The following RBFOX1 variants were observed in gnomAD, a reference collection of about 807,000 sequenced individuals.
The protein encoded by RBFOX1 is RNA binding protein fox-1 homolog 1.
RBFOX1 carries 8 observed loss-of-function variants against 57.7 expected under a neutral mutation model. The ratio of observed to expected loss-of-function variants is 0.14; its 90% CI spans 0.08 to 0.25. The LOEUF is 0.25. RBFOX1 is among the 10% of genes least tolerant of loss of function. RBFOX1 has a pLI of 1.00. For synonymous variants in RBFOX1, 326 were observed against 222.4 expected (o/e 1.47, Z -4.15); for missense variants, 611 against 548.5 (o/e 1.11, Z -1.14).
chr16:7,447,985 T>C (rs377013563), intron 4 of RBFOX1, among the ~76,000 whole-genome samples: 2 of 152,208 alleles, frequency 1.3e-5, no homozygotes, highest in African/African-American at 4.8e-5. Flanking sequence ...GGGGTTGGGA[T>C]GTAGGGATTT....
intron 4 of RBFOX1, among the ~76,000 whole-genome samples, chr16:7,309,858 G>T (rs931352096): frequency 6.6e-6 from 1 of 152,200 alleles, no homozygotes; most frequent in African/African-American, 2.4e-5. Flanking sequence ...GAGCTGACAG[G>T]TGTGGGTGTA....
intron 1 of RBFOX1, among the ~76,000 whole-genome samples, chr16:6,292,629 C>T (rs1003603927): frequency 1.3e-5 from 2 of 152,090 alleles, no homozygotes; most frequent in Admixed American, 1.3e-4. Context: ...TTGTTTTTCA[C>T]TGTGGAAAAT....
intron 3 of RBFOX1, among the ~76,000 whole-genome samples, chr16:6,662,369 A>G (rs2098707097): frequency 6.6e-6 from 1 of 152,198 alleles, no homozygotes; most frequent in Admixed American, 6.5e-5. Context: ...ATGTATCAAA[A>G]GGTCACATTG....
chr16:5,352,359 A>G (rs1488375103), intron 1 of RBFOX1, among the ~76,000 whole-genome samples: 1 of 152,052 alleles, frequency 6.6e-6, no homozygotes, highest in East Asian at 1.9e-4. Context: ...AGGTATCTTT[A>G]CTCTCAACTT....
intron 3 of RBFOX1, among the ~76,000 whole-genome samples, chr16:6,895,442 GTGTGTGTATATATATATA>G (rs1407244678): frequency 0.01 from 822 of 78,638 alleles, 10 homozygotes; most frequent in African/African-American, 0.038. Flanking sequence ...GTGTGTGTGT[GTGTGTGTATATATATATA>G]TATATATATA....
intron 1 of RBFOX1, among the ~76,000 whole-genome samples, chr16:6,024,086 G>A (rs553317586): frequency 9.9e-5 from 15 of 152,274 alleles, no homozygotes; most frequent in African/African-American, 3.6e-4. Flanking sequence ...GTCATTGTGA[G>A]CACTGTCACT....
intron 3 of RBFOX1, among the ~76,000 whole-genome samples, chr16:5,719,077 A>G (rs561769694): frequency 1.3e-5 from 2 of 152,202 alleles, no homozygotes; most frequent in East Asian, 3.8e-4. Flanking sequence ...GTAAAAGTTA[A>G]CTGTTATGAA....
At chr16:5,510,732 G>A (rs1489838854) in intron 2 of RBFOX1, among the ~76,000 whole-genome samples, 2 of 152,170 alleles carry the variant, frequency 1.3e-5, no homozygotes, top group Non-Finnish European at 2.9e-5. Flanking sequence ...AAACTCAGGT[G>A]TATCAGCCTC....
chr16:6,878,488 T>C (rs954064878), intron 3 of RBFOX1, among the ~76,000 whole-genome samples: 5 of 152,214 alleles, frequency 3.3e-5, no homozygotes, highest in African/African-American at 4.8e-5. Context: ...ATGATGGACA[T>C]GTGATATGAG....
At chr16:6,854,414 G>C (rs2057411998) in intron 3 of RBFOX1, among the ~76,000 whole-genome samples, 3 of 151,938 alleles carry the variant, frequency 2.0e-5, no homozygotes, top group African/African-American at 4.8e-5. Flanking sequence ...TATAAATATA[G>C]GATGATCTGG....
intron 4 of RBFOX1, among the ~76,000 whole-genome samples, chr16:7,173,295 C>G (rs533121365): frequency 6.6e-6 from 1 of 152,234 alleles, no homozygotes; most frequent in Non-Finnish European, 1.5e-5. Context: ...CATTTAGAAA[C>G]CATAATTTGA....
At chr16:5,380,621 C>A (rs1378116485) in intron 1 of RBFOX1, among the ~76,000 whole-genome samples, 1 of 152,138 alleles carries the variant, frequency 6.6e-6, no homozygotes, top group African/African-American at 2.4e-5. Flanking sequence ...CAGAGCTAAG[C>A]ATTTTTTAGG....
intron 3 of RBFOX1, among the ~76,000 whole-genome samples, chr16:6,951,100 A>T (rs553519003): frequency 6.6e-6 from 1 of 151,388 alleles, no homozygotes; most frequent in South Asian, 2.1e-4. Context: ...AGAGACAGGG[A>T]CTCCCTATGT....
intron 4 of RBFOX1, among the ~76,000 whole-genome samples, chr16:7,350,665 G>A (rs975203565): frequency 5.3e-5 from 8 of 152,142 alleles, no homozygotes; most frequent in Admixed American, 2.6e-4. Flanking sequence ...TGTTATCCAC[G>A]ATTGGCTAGT....
intron 1 of RBFOX1, among the ~76,000 whole-genome samples, chr16:6,076,604 T>A (rs2152497101): frequency 6.6e-6 from 1 of 151,904 alleles, no homozygotes; most frequent in East Asian, 1.9e-4. Flanking sequence ...GTCTTGCCTT[T>A]TAAGAGCCTT....
chr16:6,655,401 AAAGAG>A (rs2098642384), intron 3 of RBFOX1, among the ~76,000 whole-genome samples: 2 of 142,408 alleles, frequency 1.4e-5, no homozygotes, highest in Non-Finnish European at 3.0e-5. Context: ...AAAAAAAAAA[AAAGAG>A]CTCGCGCTCA....
intron 3 of RBFOX1, among the ~76,000 whole-genome samples, chr16:5,801,833 A>G (rs1313032872): frequency 6.6e-6 from 1 of 152,216 alleles, no homozygotes; most frequent in East Asian, 1.9e-4. Flanking sequence ...TAGCATCATT[A>G]AAAATCAGAA....
intron 14 of RBFOX1, among the ~76,000 whole-genome samples, chr16:7,691,218 C>T (rs891133883): frequency 6.7e-6 from 1 of 149,040 alleles, no homozygotes; most frequent in Non-Finnish European, 1.5e-5. Flanking sequence ...TGCCTTGAAA[C>T]AGATGTGAAT....
intron 1 of RBFOX1, among the ~76,000 whole-genome samples, chr16:6,215,233 G>A (rs542718840): frequency 1.1e-3 from 132 of 121,520 alleles, no homozygotes; most frequent in African/African-American, 3.6e-3. Flanking sequence ...ACAAAGAGGG[G>A]AAGAAGGAGA....
Sources: gnomAD v4.1 joint callset for allele counts (sites outside exome capture counted in the v4.1 genomes callset) on GRCh38, gnomAD v4.1.1 for gene constraint, MANE v1.5 for transcripts, NCBI Gene and HGNC (gene_info 2026-07-23, HGNC 2026-07-21) for gene names.